Variants in SEMA3F observed in about 807,000 individuals in gnomAD.
SEMA3F encodes semaphorin 3F.
Under a neutral mutation model 98.5 loss-of-function variants are expected in SEMA3F, and 30 were observed. That is an observed-to-expected ratio of 0.30 (90% CI 0.23 to 0.41). The LOEUF (loss-of-function observed/expected upper bound fraction) is 0.41. Among genes scored for constraint, SEMA3F ranks in the 10% least tolerant of loss-of-function variants. SEMA3F has a pLI of 1.00. For missense variants in SEMA3F, 866 were observed against 1,119.3 expected (o/e 0.77, Z 3.23); for synonymous variants, 380 against 444.8 (o/e 0.85, Z 1.83).
intron 7 of SEMA3F, among the ~76,000 whole-genome samples, chr3:50,181,122 G>GT (rs2109107566): frequency 1.3e-5 from 2 of 150,832 alleles, no homozygotes; most frequent in African/African-American, 4.9e-5. Flanking sequence ...GAGACACAAA[G>GT]TAAGCATATG....
At chr3:50,176,888 A>AT (rs1698836536) in intron 7 of SEMA3F, 27 bp downstream of exon 7, 1 of 1,562,480 alleles carries the variant, frequency 6.4e-7, no homozygotes, top group Non-Finnish European at 8.8e-7. Flanking sequence ...CCCGCTCTAC[A>AT]GTCTCAATGT....
chr3:50,186,405 C>T (rs1446049668), intron 17 of SEMA3F, 57 bp downstream of exon 17: 2 of 1,555,160 alleles, frequency 1.3e-6, no homozygotes, highest in Non-Finnish European at 1.8e-6. Context: ...GTCCACGCAG[C>T]CCACGAAGCT....
intron 2 of SEMA3F, among the ~76,000 whole-genome samples, chr3:50,163,000 G>A (rs1025562571): frequency 2.6e-5 from 4 of 152,296 alleles, no homozygotes; most frequent in South Asian, 4.1e-4. Flanking sequence ...GAGGAAGGAG[G>A]CTTACGGGGG....
rs1039257579 is a variant in SEMA3F, at chr3:50,188,665, T to C, written c.*550T>C. 24 of 152,728 alleles carry C rather than the reference T, an allele frequency of 1.6e-4. No homozygotes were observed. Among genetic ancestry groups the C allele is most frequent in the South Asian group, 8.3e-4 (4 of 4,812 alleles). 9.5% of individuals were successfully genotyped at this position (152,728 alleles called of 1,614,324 possible). A position where few individuals can be genotyped will look rare whatever the true frequency, so the allele number is the denominator to read the frequency against. On this transcript the variant is annotated 3_prime_UTR_variant, in exon 19 of 19. Transcript: ENST00000002829. The surrounding 1 kb of genome is among the most constrained non-coding windows in gnomAD (Gnocchi z 4.5). ...CGACCAGCCCCTTCCTGGGTATTTA[T>C]TCTCTATTTATTGGGGATAGGAGAA...
Position 50,176,774 on chromosome 3 carries a change from A to G in SEMA3F, c.556A>G (p.Ile186Val), listed in dbSNP as rs144445925. 1.8e-3 allele frequency: 2,850 copies of G among 1,612,048 alleles called. 11 individuals carry two copies. Among genetic ancestry groups the G allele is most frequent in the Non-Finnish European group, 2.1e-3 (2,525 of 1,178,870 alleles). ...GCCCCGCTCTGCCTTACAGGATTACATCTTCTACCTGGAGCCTGAGCGACT... is the reference window on the plus strand; with the variant it reads ...GCCCCGCTCTGCCTTACAGGATTACGTCTTCTACCTGGAGCCTGAGCGACT... ...PMPTAPRQDY[I>V]FYLEPERLES... Residue 186 changes from isoleucine to valine, a missense_variant, in exon 7 of 19, where the codon ATC becomes GTC. By Grantham distance (29) the Ile-to-Val change is conservative (BLOSUM62 3). Coordinates refer to ENST00000002829, the MANE Select transcript of SEMA3F (RefSeq NM_004186.5).
At chr3:50,160,390 G>A (rs541365608) in intron 2 of SEMA3F, among the ~76,000 whole-genome samples, 2 of 152,340 alleles carry the variant, frequency 1.3e-5, no homozygotes, top group South Asian at 4.1e-4. Context: ...AGGTTTCAGT[G>A]ATGGGCTGGG....
rs549456872 is a variant in SEMA3F at position 50,171,928 on chromosome 3, G to A, written c.113-1865G>A. On this transcript the variant is annotated intron_variant, in intron 2 of 18. Coordinates refer to ENST00000002829, the MANE Select transcript of SEMA3F (RefSeq NM_004186.5). Reference sequence around the variant, plus strand: ...CATTCCCTTGTCACCGCATAGTCAGGGCCAGGCAGGGCAAGACCTTTCCTT... The same window carrying A: ...CATTCCCTTGTCACCGCATAGTCAGAGCCAGGCAGGGCAAGACCTTTCCTT... 2.0e-5 allele frequency among the ~76,000 whole-genome samples: 3 copies of A among 152,300 alleles called. No individual in the cohort carries two copies. In the East Asian group the frequency reaches 5.8e-4, roughly 29 times the overall value.
At chr3:50,181,711 C>T (rs888120069) in intron 7 of SEMA3F, among the ~76,000 whole-genome samples, 4 of 151,994 alleles carry the variant, frequency 2.6e-5, no homozygotes, top group Non-Finnish European at 4.4e-5. Flanking sequence ...ACCTCCGCCT[C>T]CCTGGTTCAA....
At chr3:50,175,595 C>G (rs1363480438) in intron 6 of SEMA3F, among the ~76,000 whole-genome samples, 2 of 152,228 alleles carry the variant, frequency 1.3e-5, no homozygotes, top group African/African-American at 2.4e-5. Context: ...CCCCATGCCT[C>G]CCATGAGTCA....
At chr3:50,176,921 G>A (rs969184480) in intron 7 of SEMA3F, 60 bp downstream of exon 7, 1 of 1,365,308 alleles carries the variant, frequency 7.3e-7, no homozygotes, top group African/African-American at 1.4e-5. Context: ...CCTGGAGATG[G>A]GGCATGGCAC....
At chr3:50,170,920 G>C (rs560342753) in intron 2 of SEMA3F, among the ~76,000 whole-genome samples, 2 of 152,232 alleles carry the variant, frequency 1.3e-5, no homozygotes, top group South Asian at 4.1e-4. Flanking sequence ...CCCTGTCCAC[G>C]GGGAGCGAGT....
At chr3:50,172,590 A>G (rs1350387287) in intron 2 of SEMA3F, among the ~76,000 whole-genome samples, 1 of 152,178 alleles carries the variant, frequency 6.6e-6, no homozygotes, top group Non-Finnish European at 1.5e-5. Context: ...CTTTAGCCCC[A>G]GGGTTGTAGC....
At position 50,166,428 on chromosome 3, in the gene SEMA3F, T is replaced by C. The variant is rs1389313663; in HGVS notation, c.112+6694T>C. On this transcript the variant is annotated intron_variant, in intron 2 of 18. Coordinates refer to ENST00000002829, the MANE Select transcript of SEMA3F (RefSeq NM_004186.5). This position sits in a 1 kb window ranked among gnomAD's most constrained non-coding sequence, Gnocchi z 4.7. ...GGGGCCTCTCCCAGGGCTGCCTGTA[T>C]TGCCATTTTTATCAGCGCCTTCCTG... is the stretch of plus-strand genomic sequence containing the variant. Among the ~76,000 whole-genome samples, 1 of 152,156 alleles carries C rather than the reference T, an allele frequency of 6.6e-6. No homozygotes were observed. Among genetic ancestry groups the C allele is most frequent in the East Asian group, 1.9e-4 (1 of 5,186 alleles).
chr3:50,183,957 T>C (rs1266044513), intron 12 of SEMA3F, among the ~76,000 whole-genome samples: 1 of 152,094 alleles, frequency 6.6e-6, no homozygotes, highest in Non-Finnish European at 1.5e-5. Flanking sequence ...CACAGAGGCA[T>C]GTCACTTTAT....
chr3:50,184,897 CT>C, intron 13 of SEMA3F, 83 bp downstream of exon 13: 1 of 990,574 alleles, frequency 1.0e-6, no homozygotes, highest in Non-Finnish European at 1.5e-6. Flanking sequence ...GCTTGCCCTG[CT>C]AGGGCTTGCT....
At chr3:50,157,007 G>A (rs1001463901) in intron 1 of SEMA3F, among the ~76,000 whole-genome samples, 1 of 152,070 alleles carries the variant, frequency 6.6e-6, no homozygotes, top group African/African-American at 2.4e-5. Context: ...TCTTGTTGAA[G>A]TGGGGGAGGG....
At chr3:50,168,992 GA>G (rs1698507175) in intron 2 of SEMA3F, among the ~76,000 whole-genome samples, 2 of 152,198 alleles carry the variant, frequency 1.3e-5, no homozygotes, top group South Asian at 4.1e-4. Flanking sequence ...AGGCTGCAGG[GA>G]TCTGTCTATC....
intron 2 of SEMA3F, among the ~76,000 whole-genome samples, chr3:50,169,897 G>T (rs374500491): frequency 3.1e-4 from 47 of 152,306 alleles, no homozygotes; most frequent in African/African-American, 1.0e-3. Context: ...CTGATGGCAG[G>T]TTTTGGAGGA....
intron 6 of SEMA3F, 64 bp from the exon 7 acceptor site, chr3:50,176,704 G>A (rs1698825529): frequency 1.7e-6 from 2 of 1,188,696 alleles, no homozygotes; most frequent in Non-Finnish European, 2.5e-6. Flanking sequence ...GGAGCCTGGT[G>A]ACCCTTACAC....
Sources: allele counts gnomAD v4.1 joint callset (sites outside exome capture counted in the v4.1 genomes callset), GRCh38; gene constraint gnomAD v4.1.1; non-coding constraint Gnocchi (gnomAD v3.1); transcripts MANE v1.5; gene names NCBI Gene and HGNC (gene_info 2026-07-23, HGNC 2026-07-21).